The following PLCXD3 variants were observed in gnomAD, a reference collection of about 807,000 sequenced individuals.
PLCXD3 encodes PI-PLC X domain-containing protein 3.
In PLCXD3, 19 loss-of-function variants were observed where a neutral mutation model predicts 25.5. That is an observed-to-expected ratio of 0.75 (90% CI 0.52 to 1.09). PLCXD3 has a LOEUF of 1.09. Among genes scored for constraint, PLCXD3 ranks in the 50% least tolerant of loss-of-function variants. The probability of loss-of-function intolerance (pLI) is 0.00; values close to 1 mark genes in which losing one functional copy is unlikely to be tolerated. For missense variants in PLCXD3, 411 were observed against 388.1 expected (o/e 1.06, Z -0.50); for synonymous variants, 174 against 137.6 (o/e 1.26, Z -1.85).
chr5:41,359,117 G>A (rs534861606), intron 2 of PLCXD3, among the ~76,000 whole-genome samples: 9 of 152,230 alleles, frequency 5.9e-5, no homozygotes, highest in Admixed American at 3.3e-4. Context: ...GATTCGGTTT[G>A]CTAGTATTTT....
At chr5:41,343,264 A>G (rs1047047500) in intron 2 of PLCXD3, among the ~76,000 whole-genome samples, 6 of 152,134 alleles carry the variant, frequency 3.9e-5, no homozygotes, top group Non-Finnish European at 8.8e-5. Flanking sequence ...AATGAAAGAT[A>G]TTAAAATTAT....
intron 2 of PLCXD3, among the ~76,000 whole-genome samples, chr5:41,349,270 G>T (rs767923152): frequency 6.6e-6 from 1 of 152,136 alleles, no homozygotes; most frequent in Non-Finnish European, 1.5e-5. Flanking sequence ...AGGTTGTTAG[G>T]ATGCTAAGCA....
Position 41,324,186 on chromosome 5 carries a change from G to T in PLCXD3, c.813-10416C>A, listed in dbSNP as rs77380315. Among the ~76,000 whole-genome samples the T allele has an allele frequency of 2.0e-5, 3 of 152,138 alleles. No homozygotes were observed. In the South Asian group the frequency reaches 6.2e-4, roughly 32 times the overall value. ...GATGCAGAAGTAGGAGGAAAATCAGGAGCATATAGTGTCATGAAAATCAAG... is the reference window on the plus strand; with the variant it reads ...GATGCAGAAGTAGGAGGAAAATCAGTAGCATATAGTGTCATGAAAATCAAG... On this transcript the variant is annotated intron_variant, in intron 2 of 2. Coordinates refer to ENST00000377801, the MANE Select transcript of PLCXD3 (RefSeq NM_001005473.3).
chr5:41,435,222 A>G (rs1747218825), intron 1 of PLCXD3, among the ~76,000 whole-genome samples: 1 of 152,222 alleles, frequency 6.6e-6, no homozygotes, highest in Non-Finnish European at 1.5e-5. Flanking sequence ...AAAAATGTAC[A>G]ACTCTGTCAT....
intron 1 of PLCXD3, among the ~76,000 whole-genome samples, chr5:41,392,346 A>G (rs1745853745): frequency 6.7e-6 from 1 of 149,386 alleles, no homozygotes; most frequent in South Asian, 2.1e-4. Context: ...AGAGGGAGAG[A>G]GAGAGAGAAA....
At chr5:41,403,267 G>A (rs1274331921) in intron 1 of PLCXD3, among the ~76,000 whole-genome samples, 1 of 144,380 alleles carries the variant, frequency 6.9e-6, no homozygotes, top group Non-Finnish European at 1.5e-5. Flanking sequence ...AACAAGATTA[G>A]AAAAGAGGAA....
chr5:41,369,645 TA>T (rs1745035645), intron 2 of PLCXD3, among the ~76,000 whole-genome samples: 1 of 152,080 alleles, frequency 6.6e-6, no homozygotes, highest in Admixed American at 6.6e-5. Flanking sequence ...CATGTCCAGC[TA>T]ATTTTTTTAG....
intron 1 of PLCXD3, among the ~76,000 whole-genome samples, chr5:41,425,637 C>T (rs563397862): frequency 2.0e-4 from 31 of 152,248 alleles, no homozygotes; most frequent in African/African-American, 5.8e-4. Flanking sequence ...TCTATTCATC[C>T]GTTTCTCCTT....
chr5:41,453,018 A>G (rs980540991), intron 1 of PLCXD3, among the ~76,000 whole-genome samples: 9 of 151,988 alleles, frequency 5.9e-5, no homozygotes, highest in Non-Finnish European at 1.2e-4. Context: ...TGTAATGAGA[A>G]TATTTAAAAT....
At chr5:41,376,722 C>G (rs1487187206) in intron 2 of PLCXD3, among the ~76,000 whole-genome samples, 1 of 152,072 alleles carries the variant, frequency 6.6e-6, no homozygotes, top group Non-Finnish European at 1.5e-5. Context: ...ATCTTTAATT[C>G]TCCTGTTTCT....
chr5:41,374,114 C>G (rs943193220), intron 2 of PLCXD3, among the ~76,000 whole-genome samples: 7 of 152,032 alleles, frequency 4.6e-5, no homozygotes, highest in Non-Finnish European at 7.4e-5. Context: ...GGTTTATGTT[C>G]TTTAGGTTAA....
rs768491497 is a variant in PLCXD3, at chr5:41,510,511, C to G, written c.16G>C (p.Gly6Arg). The G allele has an allele frequency of 3.1e-6, 5 of 1,613,188 alleles. No homozygotes were observed. The highest frequency in any genetic ancestry group is 4.2e-6 in the Non-Finnish European group (5 of 1,179,516). The change falls in exon 1 of 3, where the codon GGG becomes CGG. Residue 6 changes from glycine (G) to arginine (R), a missense_variant. Gly to Arg is a moderately radical substitution (Grantham distance 125, BLOSUM62 -2). Transcript: ENST00000377801. ...TCGGCTAATTTCAGCTCGTTTTTCC[C>G]CTGAGACGAGGCCATCGTGCCAGTC... MASSQ[G>R]KNELKLADWM...
intron 1 of PLCXD3, among the ~76,000 whole-genome samples, chr5:41,466,254 G>C (rs1462332122): frequency 6.6e-6 from 1 of 151,872 alleles, no homozygotes; most frequent in Non-Finnish European, 1.5e-5. Flanking sequence ...AGAAAATTGA[G>C]CCCTGAACAG....
intron 1 of PLCXD3, among the ~76,000 whole-genome samples, chr5:41,453,384 A>G (rs922596143): frequency 6.6e-6 from 1 of 150,962 alleles, no homozygotes; most frequent in Non-Finnish European, 1.5e-5. Flanking sequence ...CCGCATGGCA[A>G]TTGGTTTCCT....
chr5:41,450,253 G>T (rs766534432), intron 1 of PLCXD3, among the ~76,000 whole-genome samples: 1 of 152,078 alleles, frequency 6.6e-6, no homozygotes, highest in East Asian at 1.9e-4. Context: ...TGATTTTCTT[G>T]CAAGTCTGAA....
At chr5:41,316,507 C>T (rs904774344) in intron 2 of PLCXD3, among the ~76,000 whole-genome samples, 3 of 152,114 alleles carry the variant, frequency 2.0e-5, no homozygotes, top group African/African-American at 7.2e-5. Flanking sequence ...TTGTCTTGCA[C>T]CTTTGGTACC....
chr5:41,450,568 G>C (rs1580379352), intron 1 of PLCXD3, among the ~76,000 whole-genome samples: 2 of 152,094 alleles, frequency 1.3e-5, no homozygotes, highest in Non-Finnish European at 1.5e-5. Context: ...TTTCCTCCAA[G>C]TACACCTGAA....
intron 2 of PLCXD3, among the ~76,000 whole-genome samples, chr5:41,356,662 T>A (rs1243108718): frequency 6.6e-6 from 1 of 152,210 alleles, no homozygotes; most frequent in African/African-American, 2.4e-5. Flanking sequence ...AGTTACAGAA[T>A]ATCATATCTG....
At position 41,324,946 on chromosome 5, in the gene PLCXD3, G is replaced by A. The variant is rs192210207; in HGVS notation, c.813-11176C>T. Among the ~76,000 whole-genome samples the A allele has an allele frequency of 2.0e-3, 305 of 152,226 alleles. 1 individual carries two copies. Among genetic ancestry groups the A allele is most frequent in the South Asian group, 1.0e-2 (48 of 4,822 alleles). On this transcript the variant is annotated intron_variant, in intron 2 of 2. Transcript: ENST00000377801. ...GTTCACCAGATCCCTTGGGTACTAC[G>A]TCATGGGAGGTTCCTGAGCAACCAT...
Sources: gnomAD v4.1 joint callset for allele counts (sites outside exome capture counted in the v4.1 genomes callset) on GRCh38, gnomAD v4.1.1 for gene constraint, MANE v1.5 for transcripts, NCBI Gene and HGNC (gene_info 2026-07-23, HGNC 2026-07-21) for gene names.